The following TOX2 variants were observed in gnomAD, a reference collection of about 807,000 sequenced individuals.
TOX2 encodes granulosa cell HMG box 1.
TOX2 carries 15 observed loss-of-function variants against 47.4 expected under a neutral mutation model. The ratio of observed to expected loss-of-function variants is 0.32; its 90% confidence interval spans 0.21 to 0.49. The LOEUF (loss-of-function observed/expected upper bound fraction) is 0.49, where lower values mean the gene tolerates loss of function less well. TOX2 is among the 20% of genes least tolerant of loss of function. The pLI, the probability that TOX2 is intolerant of heterozygous loss-of-function variation, is 0.99. For missense variants in TOX2, 622 were observed against 673.1 expected, an observed-to-expected ratio of 0.92 and a Z score of 0.84; for synonymous variants, 290 against 296.6, an observed-to-expected ratio of 0.98 and a Z score of 0.23.
intron 3 of TOX2, among the ~76,000 whole-genome samples, chr20:44,013,365 C>G (rs1053633825): frequency 6.6e-6 from 1 of 152,212 alleles, no homozygotes; most frequent in Non-Finnish European, 1.5e-5. Context: ...CTCCTCCCTG[C>G]AGAAGGCATG....
At chr20:44,021,049 C>T (rs571480415) in intron 3 of TOX2, among the ~76,000 whole-genome samples, 16 of 152,178 alleles carry the variant, frequency 1.1e-4, no homozygotes, top group Middle Eastern at 3.4e-3. Context: ...AATCGCACGA[C>T]GCCTCATCCT....
At chr20:44,039,058 A>T (rs2071288488) in intron 3 of TOX2, 2 of 1,271,912 alleles carry the variant, frequency 1.6e-6, no homozygotes, top group African/African-American at 3.1e-5. Flanking sequence ...ACATCTCATG[A>T]GTGCCGGCTG....
chr20:43,928,449 G>C (rs745475176), intron 1 of TOX2, among the ~76,000 whole-genome samples: 2 of 152,224 alleles, frequency 1.3e-5, no homozygotes. Context: ...AGCTGCTCTT[G>C]TGTTGGTCGC....
intron 7 of TOX2, 124 bp from the exon 8 acceptor site, chr20:44,066,606 C>T: frequency 6.9e-7 from 1 of 1,457,284 alleles, no homozygotes; most frequent in Non-Finnish European, 9.5e-7. Flanking sequence ...AGGCAGCAGC[C>T]CTGGAGGCAG....
chr20:43,945,390 C>G (rs2069450991), intron 1 of TOX2, among the ~76,000 whole-genome samples: 1 of 152,240 alleles, frequency 6.6e-6, no homozygotes, highest in Admixed American at 6.5e-5. Flanking sequence ...CAACCAGACC[C>G]TGGCTTTCGA....
chr20:44,051,147 C>CAT (rs1446099946), intron 3 of TOX2, among the ~76,000 whole-genome samples, 159 bp from the exon 4 acceptor site: 1 of 152,202 alleles, frequency 6.6e-6, no homozygotes, highest in Non-Finnish European at 1.5e-5. Context: ...GTCCAAGTAG[C>CAT]ATGAGGCTCC....
chr20:44,068,834 C>G lies in TOX2; in HGVS notation c.*148C>G, dbSNP rs2071884122. The G allele has an allele frequency of 9.5e-7, 1 of 1,058,156 alleles. No individual in the cohort carries two copies. Among genetic ancestry groups the G allele is most frequent in the African/African-American group, 1.6e-5 (1 of 63,404 alleles). 65.5% of individuals were successfully genotyped at this position (1,058,156 alleles called of 1,614,324 possible). ...CCATTGCCCGGGGGCTGAGTCTCTTCCTCAACCTCCCACCAGACTCTGCAG... is the reference window on the plus strand; with the variant it reads ...CCATTGCCCGGGGGCTGAGTCTCTTGCTCAACCTCCCACCAGACTCTGCAG... On this transcript the variant is annotated 3_prime_UTR_variant, in exon 9 of 9. Coordinates refer to ENST00000341197, the MANE Select transcript of TOX2 (RefSeq NM_001098797.2).
chr20:44,021,267 T>C (rs1346264764), intron 3 of TOX2, among the ~76,000 whole-genome samples: 2 of 152,004 alleles, frequency 1.3e-5, no homozygotes, highest in Admixed American at 6.6e-5. Flanking sequence ...TTTGAGATCA[T>C]AGGAGGACAG....
rs74556079 is a variant in TOX2, at chr20:44,054,195, T to C, written c.652-104T>C. On this transcript the variant is annotated intron_variant, in intron 4 of 8. Transcript: ENST00000341197. ...CATCGCGCGAGTGGTTATCTGTGCATGAGCAGGGCTGGAGAAGTGCAGCTC... is the reference window on the plus strand; with the variant it reads ...CATCGCGCGAGTGGTTATCTGTGCACGAGCAGGGCTGGAGAAGTGCAGCTC... The C allele has an allele frequency of 1.9e-3, 2,305 of 1,223,834 alleles. 33 individuals are homozygous for C. The African/African-American group carries it at 0.032, about 17-fold the overall frequency. The allele number at this position is 1,223,834 out of a possible 1,614,324, so 75.8% of individuals were successfully genotyped here.
rs187048796 is a variant in TOX2, at chr20:43,977,116, T to C, written c.165+3684T>C. Among the ~76,000 whole-genome samples, 177 of 152,316 alleles carry C rather than the reference T, an allele frequency of 1.2e-3. 1 individual carries two copies. The highest frequency in any genetic ancestry group is 4.1e-3 in the African/African-American group (169 of 41,556). ...AGAACATCCAATCAATATATGTATA[T>C]ATTTTTGAGATGGAGTCTCACTGTC... On this transcript the variant is annotated intron_variant, in intron 2 of 8. Coordinates refer to ENST00000341197, the MANE Select transcript of TOX2 (RefSeq NM_001098797.2).
intron 1 of TOX2, among the ~76,000 whole-genome samples, chr20:43,932,837 A>G (rs1452403044): frequency 6.6e-6 from 1 of 151,602 alleles, no homozygotes; most frequent in African/African-American, 2.4e-5. Context: ...CAGAGACATC[A>G]GTGGGCCTTG....
intron 1 of TOX2, among the ~76,000 whole-genome samples, chr20:43,928,281 G>A (rs1225355410): frequency 6.6e-6 from 1 of 152,196 alleles, no homozygotes; most frequent in South Asian, 2.1e-4. Flanking sequence ...ATTAAATGAG[G>A]TAATGATGTA....
At chr20:44,054,001 C>T (rs912637119) in intron 4 of TOX2, among the ~76,000 whole-genome samples, 1 of 152,206 alleles carries the variant, frequency 6.6e-6, no homozygotes, top group Non-Finnish European at 1.5e-5. Flanking sequence ...ACCAGTTTCA[C>T]GTGTAATTTA....
intron 3 of TOX2, among the ~76,000 whole-genome samples, chr20:44,035,517 C>T (rs1397618853): frequency 6.6e-6 from 1 of 152,226 alleles, no homozygotes; most frequent in South Asian, 2.1e-4. Context: ...TACTCCTGTT[C>T]CCCCACGACC....
At chr20:43,956,104 T>C (rs528366104) in intron 1 of TOX2, among the ~76,000 whole-genome samples, 5 of 152,244 alleles carry the variant, frequency 3.3e-5, no homozygotes, top group Non-Finnish European at 5.9e-5. Context: ...GTTGTGTGCA[T>C]GCTGCGGGTA....
At position 44,040,775 on chromosome 20, in the gene TOX2, G is replaced by T. The variant is rs775390810; in HGVS notation, c.412-10531G>T. Among the ~76,000 whole-genome samples the T allele has an allele frequency of 2.2e-4, 33 of 152,318 alleles. 1 individual carries two copies. Among genetic ancestry groups the T allele is most frequent in the Admixed American group, 3.9e-4 (6 of 15,306 alleles). ...GGGTAGTAATGAGGACAGATGCCAGGTGAGTCGCTGGTGGGGGGAGTGGCC... is the reference window on the plus strand; with the variant it reads ...GGGTAGTAATGAGGACAGATGCCAGTTGAGTCGCTGGTGGGGGGAGTGGCC... On this transcript the variant is annotated intron_variant, in intron 3 of 8. Coordinates refer to ENST00000341197, the MANE Select transcript of TOX2 (RefSeq NM_001098797.2).
chr20:44,056,100 G>C (rs766207402), intron 5 of TOX2, among the ~76,000 whole-genome samples: 4 of 152,154 alleles, frequency 2.6e-5, no homozygotes, highest in Non-Finnish European at 5.9e-5. Context: ...TGCTTAGAAC[G>C]TGCCAGGCCT....
chr20:44,068,290 A>G (rs2145809418), intron 8 of TOX2, among the ~76,000 whole-genome samples: 1 of 152,242 alleles, frequency 6.6e-6, no homozygotes, highest in East Asian at 1.9e-4. Context: ...TATTTTAAAA[A>G]CATAAAAAGC....
At chr20:44,039,358 G>A in intron 3 of TOX2, 1 of 1,253,190 alleles carries the variant, frequency 8.0e-7, no homozygotes, top group Non-Finnish European at 1.0e-6. Context: ...TCCTCATGGA[G>A]CATTTTACAT....
Sources: gnomAD v4.1 joint callset for allele counts (sites outside exome capture counted in the v4.1 genomes callset) on GRCh38, gnomAD v4.1.1 for gene constraint, MANE v1.5 for transcripts, NCBI Gene and HGNC (gene_info 2026-07-23, HGNC 2026-07-21) for gene names.